Variants in MAT1A observed in about 807,000 individuals in gnomAD.
MAT1A encodes the protein methionine adenosyltransferase 1A, also known as S-adenosylmethionine synthase isoform type-1.
Under a neutral mutation model 44.0 loss-of-function variants are expected in MAT1A, and 19 were observed. The observed-to-expected ratio is 0.43, with a 90% CI of 0.30 to 0.63. The LOEUF (loss-of-function observed/expected upper bound fraction) is 0.63, where lower values mean the gene tolerates loss of function less well. MAT1A is among the 30% of genes least tolerant of loss of function. MAT1A has a pLI of 0.12. For missense variants in MAT1A, 397 were observed against 531.0 expected (o/e 0.75, Z 2.48); for synonymous variants, 205 against 205.6 (o/e 1.00, Z 0.03).
At chr10:80,279,643 G>A (rs980061580) in intron 5 of MAT1A, among the ~76,000 whole-genome samples, 2 of 152,120 alleles carry the variant, frequency 1.3e-5, no homozygotes, top group African/African-American at 4.8e-5. Context: ...ACTGCAGGGA[G>A]AAGACAGGTC....
rs115603532 is a variant in MAT1A, at chr10:80,274,184, C to T, written c.1086-301G>A. The stretch of plus-strand genomic sequence containing the variant: ...TGTTGACACCACTAAGCTCTAGAAA[C>T]GGAATAGACTTGCTGACTTGATTCC... On this transcript the variant is annotated intron_variant, in intron 8 of 8. Transcript: ENST00000372213. Among the ~76,000 whole-genome samples, 1,197 of 152,292 alleles carry T rather than the reference C, an allele frequency of 7.9e-3. 19 individuals are homozygous for T. Among genetic ancestry groups the T allele is most frequent in the African/African-American group, 0.028 (1,146 of 41,572 alleles).
At chr10:80,287,744 T>C (rs1471501955) in intron 1 of MAT1A, among the ~76,000 whole-genome samples, 5 of 152,212 alleles carry the variant, frequency 3.3e-5, no homozygotes, top group Non-Finnish European at 7.3e-5. Context: ...TATCTGAGAT[T>C]GAAAATACAG....
rs571788307 is a variant in MAT1A at position 80,280,233 on chromosome 10, C to A, written c.489G>T (p.Arg163=). Residue 163 remains arginine, a synonymous_variant, in exon 5 of 9, where the codon CGG becomes CGT. Coordinates refer to ENST00000372213, the MANE Select transcript of MAT1A (RefSeq NM_000429.3). ...GGCCGGAGCGCCTGAGGTCTGCCATCCGGGCGTTGAGCTTGTGAGCAAGGA... is the reference window on the plus strand; with the variant it reads ...GGCCGGAGCGCCTGAGGTCTGCCATACGGGCGTTGAGCTTGTGAGCAAGGA... ...TIILAHKLNA[R]MADLRRSGLL... 8.1e-6 allele frequency: 13 copies of A among 1,614,026 alleles called. No homozygotes were observed. Among genetic ancestry groups the A allele is most frequent in the Non-Finnish European group, 1.1e-5 (13 of 1,180,048 alleles).
chr10:80,279,503 G>T (rs1330307586), intron 5 of MAT1A, among the ~76,000 whole-genome samples: 3 of 152,084 alleles, frequency 2.0e-5, no homozygotes, highest in African/African-American at 7.2e-5. Context: ...CTGGGAACTT[G>T]GGAATCATGA....
At chr10:80,287,085 A>T (rs1431157859) in intron 1 of MAT1A, among the ~76,000 whole-genome samples, 4 of 152,168 alleles carry the variant, frequency 2.6e-5, no homozygotes, top group Non-Finnish European at 5.9e-5. Context: ...CATGCTGGCC[A>T]CCTTAGGCTT....
rs1396567328 is a variant in MAT1A, at chr10:80,275,006, AG to A, written c.951+10del. 28 of 1,550,196 alleles carry A rather than the reference AG, an allele frequency of 1.8e-5. No homozygotes were observed. The highest frequency in any genetic ancestry group is 2.4e-5 in the Non-Finnish European group (27 of 1,147,364). On this transcript the variant is annotated intron_variant, in intron 7 of 8. Coordinates refer to ENST00000372213, the MANE Select transcript of MAT1A (RefSeq NM_000429.3). ...ACTGCAACAGGACGGTGGTGGGTGGAGGGGGCTTACCTGGACAAGCACTCTC... is the reference window on the plus strand; with the variant it reads ...ACTGCAACAGGACGGTGGTGGGTGGAGGGGCTTACCTGGACAAGCACTCTC...
At chr10:80,280,150 C>T in intron 5 of MAT1A, 23 bp downstream of exon 5, 3 of 1,613,888 alleles carry the variant, frequency 1.9e-6, no homozygotes, top group East Asian at 4.5e-5. Context: ...CTAGGGCTCT[C>T]CTGGGGTAAT....
In MAT1A at chr10:80,276,552, C is replaced by T. The variant is rs374844302; in HGVS notation, c.592G>A (p.Val198Met). 7.4e-6 allele frequency: 12 copies of T among 1,613,696 alleles called. No individual in the cohort carries two copies. The African/African-American group carries it at 1.5e-4, about 20-fold the overall frequency. The change falls in exon 6 of 9, where the codon GTG (valine) becomes ATG (methionine). Residue 198 changes from valine (V) to methionine (M), a missense_variant. By Grantham distance (21) the Val-to-Met change is conservative. Coordinates refer to ENST00000372213, the MANE Select transcript of MAT1A (RefSeq NM_000429.3). ...YMQDNGAVIP[V>M]RIHTIVISVQ... ...GAGATGACGATGGTGTGGATGCGCA[C>T]AGGGATGACTGCGCCATTGTCCTGC...
intron 1 of MAT1A, among the ~76,000 whole-genome samples, chr10:80,286,620 A>AG (rs1459579989): frequency 2.6e-5 from 4 of 152,222 alleles, no homozygotes; most frequent in African/African-American, 9.7e-5. Context: ...AAGACTCTGC[A>AG]GGGTCTAAAA....
chr10:80,280,217 G>A lies in MAT1A; in HGVS notation c.505C>T (p.Arg169Cys), dbSNP rs759930801. Residue 169 changes from arginine to cysteine, a missense_variant, in exon 5 of 9, where the codon CGC (arginine) becomes TGC (cysteine). Coordinates refer to ENST00000372213, the MANE Select transcript of MAT1A (RefSeq NM_000429.3). Reference sequence around the variant, plus strand: ...CGCAGCCAGGGGAGGAGGCCGGAGCGCCTGAGGTCTGCCATCCGGGCGTTG... The same window carrying A: ...CGCAGCCAGGGGAGGAGGCCGGAGCACCTGAGGTCTGCCATCCGGGCGTTG... ...KLNARMADLR[R>C]SGLLPWLRPD... The A allele has an allele frequency of 1.3e-5, 21 of 1,613,964 alleles. No homozygotes were observed. In the South Asian group the frequency reaches 1.4e-4, roughly 11 times the overall value.
intron 5 of MAT1A, among the ~76,000 whole-genome samples, chr10:80,278,321 G>T (rs1293246685): frequency 6.9e-6 from 1 of 144,172 alleles, no homozygotes; most frequent in East Asian, 2.3e-4. Context: ...TAAGCACAAT[G>T]AACCTGTTTC....
intron 5 of MAT1A, among the ~76,000 whole-genome samples, chr10:80,277,737 C>T (rs150335675): frequency 6.6e-6 from 1 of 152,146 alleles, no homozygotes; most frequent in Admixed American, 6.5e-5. Flanking sequence ...CACCCCCACC[C>T]GGCAGACTCC....
intron 3 of MAT1A, 77 bp from the exon 4 acceptor site, chr10:80,280,869 G>A (rs769470979): frequency 2.6e-5 from 27 of 1,037,580 alleles, no homozygotes; most frequent in Middle Eastern, 2.0e-4. Context: ...TGGATGGCTC[G>A]GTTCCTGACA....
chr10:80,285,725 T>C (rs1841641339), intron 1 of MAT1A, 136 bp from the exon 2 acceptor site: 3 of 680,422 alleles, frequency 4.4e-6, no homozygotes, highest in East Asian at 2.7e-5. Context: ...TTTTTAAGTA[T>C]AAGAAATTAG....
chr10:80,284,334 G>C (rs951156460), intron 2 of MAT1A, among the ~76,000 whole-genome samples: 1 of 152,096 alleles, frequency 6.6e-6, no homozygotes, highest in African/African-American at 2.4e-5. Context: ...TTATAAGACT[G>C]CTATGTGGAT....
At chr10:80,274,983 T>C in intron 7 of MAT1A, 34 bp downstream of exon 7, 2 of 1,548,886 alleles carry the variant, frequency 1.3e-6, no homozygotes, top group Non-Finnish European at 1.7e-6. Flanking sequence ...GGTCCTCCAC[T>C]GCAACAGGAC....
At chr10:80,288,038 G>C (rs1276211212) in intron 1 of MAT1A, among the ~76,000 whole-genome samples, 1 of 152,066 alleles carries the variant, frequency 6.6e-6, no homozygotes, top group East Asian at 1.9e-4. Flanking sequence ...TGGGGGTTGT[G>C]GGGCAAAACT....
At position 80,274,500 on chromosome 10, in the gene MAT1A, A is replaced by T. The variant is rs1008414087; in HGVS notation, c.1085+20T>A. 3 of 1,613,982 alleles carry T rather than the reference A, an allele frequency of 1.9e-6. No individual in the cohort carries two copies. The stretch of plus-strand genomic sequence containing the variant: ...AGGAAGGAGCAAGGTCCTGTGTAAT[A>T]GCAGCGCATGGCACTTTACCTGACA... On this transcript the variant is annotated intron_variant, in intron 8 of 8. Transcript: ENST00000372213.
intron 5 of MAT1A, among the ~76,000 whole-genome samples, chr10:80,277,791 A>G (rs1406343868): frequency 6.6e-6 from 1 of 152,178 alleles, no homozygotes; most frequent in Non-Finnish European, 1.5e-5. Flanking sequence ...AGCAGAGCAA[A>G]GGGCCCTGAA....
Sources: allele counts gnomAD v4.1 joint callset (sites outside exome capture counted in the v4.1 genomes callset), GRCh38; gene constraint gnomAD v4.1.1; transcripts MANE v1.5; gene names NCBI Gene and HGNC (gene_info 2026-07-23, HGNC 2026-07-21).